RNF150: variants seen among roughly 807,000 people sequenced by gnomAD.
RNF150 encodes the protein ring finger protein 150.
RNF150 carries 24 observed loss-of-function variants against 39.3 expected under a neutral mutation model. The observed-to-expected ratio is 0.61, with a 90% CI of 0.44 to 0.86. RNF150 has a LOEUF of 0.86. Ranked by LOEUF, RNF150 falls within the 40% of genes least tolerant of loss-of-function variation. The pLI, the probability that RNF150 is intolerant of heterozygous loss-of-function variation, is 0.00. For missense variants in RNF150, 502 were observed against 587.8 expected (o/e 0.85, Z 1.51); for synonymous variants, 255 against 227.3 (o/e 1.12, Z -1.10).
In RNF150 at chr4:140,925,486, T is replaced by C. The variant is rs775429211; in HGVS notation, c.987+491A>G. 3.3e-5 allele frequency among the ~76,000 whole-genome samples: 5 copies of C among 152,172 alleles called. No homozygotes were observed. The South Asian group carries it at 1.0e-3, about 32-fold the overall frequency. Reference sequence around the variant, plus strand: ...TTCACTCAAAGTCTCCACAGAGATCTGAGTTTAGCTGAGGCTTTGAGCCTG... The same window carrying C: ...TTCACTCAAAGTCTCCACAGAGATCCGAGTTTAGCTGAGGCTTTGAGCCTG... On this transcript the variant is annotated intron_variant, in intron 5 of 6. Transcript: ENST00000515673.
chr4:140,898,446 C>T (rs927374834), intron 6 of RNF150, among the ~76,000 whole-genome samples: 5 of 152,134 alleles, frequency 3.3e-5, no homozygotes, highest in South Asian at 2.1e-4. Context: ...TGTATGTATG[C>T]GTGCAGTCAT....
intron 1 of RNF150, among the ~76,000 whole-genome samples, chr4:141,151,134 G>A (rs1321629672): frequency 6.6e-6 from 1 of 151,806 alleles, no homozygotes; most frequent in Non-Finnish European, 1.5e-5. Flanking sequence ...GTAGAGGATG[G>A]GGTCTCATTT....
rs1735764265 is a variant in RNF150 at position 141,027,880 on chromosome 4, AGATC to A, written c.485-60011_485-60008del. Among the ~76,000 whole-genome samples, 3 of 138,646 alleles carry A rather than the reference AGATC, an allele frequency of 2.2e-5. No individual in the cohort carries two copies. The South Asian group carries it at 6.8e-4, about 32-fold the overall frequency. 91.0% of individuals were successfully genotyped at this position (138,646 alleles called of 152,430 possible). On this transcript the variant is annotated intron_variant, in intron 1 of 6. Coordinates refer to ENST00000515673, the MANE Select transcript of RNF150 (RefSeq NM_020724.2). ...ATCTTTCCTGCACTAGTGTTCTTAA[AGATC>A]ATTAGATAGTTAATGAGCTTGGAAT... is the stretch of plus-strand genomic sequence containing the variant.
At chr4:141,058,903 T>C (rs190240356) in intron 1 of RNF150, among the ~76,000 whole-genome samples, 1 of 152,310 alleles carries the variant, frequency 6.6e-6, no homozygotes, top group Admixed American at 6.5e-5. Context: ...CATGATAAAC[T>C]GTGTTGAATG....
At chr4:141,150,921 G>A (rs1046364159) in intron 1 of RNF150, among the ~76,000 whole-genome samples, 2 of 151,664 alleles carry the variant, frequency 1.3e-5, no homozygotes, top group Admixed American at 6.6e-5. Flanking sequence ...TGGCAAATAA[G>A]TTTTCTTTTC....
chr4:140,998,992 C>T (rs912291269), intron 1 of RNF150, among the ~76,000 whole-genome samples: 5 of 151,520 alleles, frequency 3.3e-5, no homozygotes, highest in African/African-American at 1.2e-4. Context: ...CTCAAAGCCT[C>T]ACGAAGCAGG....
chr4:141,000,897 A>G (rs1016276682), intron 1 of RNF150, among the ~76,000 whole-genome samples: 1 of 152,168 alleles, frequency 6.6e-6, no homozygotes, highest in Non-Finnish European at 1.5e-5. Flanking sequence ...ACAGTATAAA[A>G]CCTTTTCAGC....
Position 140,908,966 on chromosome 4 carries a change from T to C in RNF150, c.1198+2178A>G, listed in dbSNP as rs79010115. 3.0e-3 allele frequency among the ~76,000 whole-genome samples: 461 copies of C among 152,288 alleles called. 4 individuals are homozygous for C. The highest frequency in any genetic ancestry group is 0.01 in the African/African-American group (425 of 41,584). On this transcript the variant is annotated intron_variant, in intron 6 of 6. Coordinates refer to ENST00000515673, the MANE Select transcript of RNF150 (RefSeq NM_020724.2). The stretch of plus-strand genomic sequence containing the variant: ...CTTTACAAATGTTTATTTGTTTTTG[T>C]TCTCAAAAGCAAGCTCATGCCTTAA...
At chr4:141,110,394 C>T (rs918879917) in intron 1 of RNF150, among the ~76,000 whole-genome samples, 1 of 152,000 alleles carries the variant, frequency 6.6e-6, no homozygotes, top group Non-Finnish European at 1.5e-5. Flanking sequence ...ATTTTTAAAG[C>T]AAGGCCCCTA....
intron 1 of RNF150, among the ~76,000 whole-genome samples, chr4:141,174,855 T>C (rs960956613): frequency 2.0e-5 from 3 of 151,148 alleles, no homozygotes; most frequent in Non-Finnish European, 4.4e-5. Context: ...CAATCTCAGT[T>C]GTCTGAGTGG....
intron 1 of RNF150, among the ~76,000 whole-genome samples, chr4:140,999,175 C>A (rs530160054): frequency 1.5e-4 from 23 of 152,194 alleles, no homozygotes; most frequent in Non-Finnish European, 3.2e-4. Flanking sequence ...TCCCATCTCA[C>A]AAGCAGACAA....
At chr4:140,910,333 C>T (rs1730544097) in intron 6 of RNF150, among the ~76,000 whole-genome samples, 1 of 152,170 alleles carries the variant, frequency 6.6e-6, no homozygotes. Flanking sequence ...ACTCTTTTAA[C>T]CTTAAACCTA....
At chr4:140,915,539 G>T (rs1279687313) in intron 5 of RNF150, among the ~76,000 whole-genome samples, 1 of 152,238 alleles carries the variant, frequency 6.6e-6, no homozygotes, top group African/African-American at 2.4e-5. Flanking sequence ...ATGCCTTCAT[G>T]CTTTGTGAGA....
chr4:141,030,525 G>C (rs1334546396), intron 1 of RNF150, among the ~76,000 whole-genome samples: 1 of 152,048 alleles, frequency 6.6e-6, no homozygotes, highest in Non-Finnish European at 1.5e-5. Flanking sequence ...TGCAGCTGGA[G>C]TCACAATAGC....
intron 5 of RNF150, among the ~76,000 whole-genome samples, chr4:140,920,456 T>C (rs1184395241): frequency 7.6e-6 from 1 of 132,292 alleles, no homozygotes; most frequent in Non-Finnish European, 1.6e-5. Context: ...TCACTGGCCA[T>C]CAGAGAAATG....
intron 1 of RNF150, among the ~76,000 whole-genome samples, chr4:141,084,682 A>C (rs1172739513): frequency 2.0e-5 from 3 of 152,214 alleles, no homozygotes; most frequent in Non-Finnish European, 4.4e-5. Flanking sequence ...ACTTAGGAAT[A>C]AGCCTGGAGA....
At chr4:141,042,001 C>T (rs909778696) in intron 1 of RNF150, among the ~76,000 whole-genome samples, 1 of 151,984 alleles carries the variant, frequency 6.6e-6, no homozygotes, top group African/African-American at 2.4e-5. Context: ...TCACAGGTCT[C>T]ACTGGGGCCA....
At chr4:141,181,066 C>T (rs1727901753) in intron 1 of RNF150, among the ~76,000 whole-genome samples, 1 of 152,146 alleles carries the variant, frequency 6.6e-6, no homozygotes, top group Non-Finnish European at 1.5e-5. Context: ...TCTGCCCATG[C>T]TAGAGGTATT....
chr4:140,878,644 T>G (rs1578923094), intron 6 of RNF150, among the ~76,000 whole-genome samples: 1 of 152,230 alleles, frequency 6.6e-6, no homozygotes, highest in African/African-American at 2.4e-5. Context: ...TCTTTGTGTA[T>G]CCTGGATATT....
Sources: gnomAD v4.1 joint callset for allele counts (sites outside exome capture counted in the v4.1 genomes callset) on GRCh38, gnomAD v4.1.1 for gene constraint, MANE v1.5 for transcripts, NCBI Gene and HGNC (gene_info 2026-07-23, HGNC 2026-07-21) for gene names.